Variants in RTN1 observed in about 807,000 individuals in gnomAD.
The protein encoded by RTN1 is reticulon 1.
In RTN1, 25 loss-of-function variants were observed where a neutral mutation model predicts 65.5. The ratio of observed to expected loss-of-function variants is 0.38; its 90% CI spans 0.28 to 0.53. The LOEUF is 0.53. Ranked by LOEUF, RTN1 falls within the 20% of genes least tolerant of loss-of-function variation. The pLI, the probability that RTN1 is intolerant of heterozygous loss-of-function variation, is 0.79. For synonymous variants in RTN1, 471 were observed against 447.6 expected (o/e 1.05, Z -0.66); for missense variants, 983 against 1,025.4 (o/e 0.96, Z 0.57).
chr14:59,618,173 G>C (rs1882157514), intron 3 of RTN1, among the ~76,000 whole-genome samples: 1 of 152,304 alleles, frequency 6.6e-6, no homozygotes, highest in South Asian at 2.1e-4. Context: ...TCCCAAAGCA[G>C]ACCTCCTTCT....
At chr14:59,717,430 G>A (rs1411087495) in intron 3 of RTN1, among the ~76,000 whole-genome samples, 1 of 152,116 alleles carries the variant, frequency 6.6e-6, no homozygotes, top group East Asian at 1.9e-4. Context: ...GATTGTGAGT[G>A]GAAGACTACA....
chr14:59,764,511 G>A (rs952252670), intron 1 of RTN1, among the ~76,000 whole-genome samples: 6 of 151,878 alleles, frequency 4.0e-5, no homozygotes, highest in East Asian at 1.9e-4. Context: ...TAGTAGAGAC[G>A]GGGTTTCACT....
intron 2 of RTN1, among the ~76,000 whole-genome samples, chr14:59,738,229 G>A (rs1319763498): frequency 1.3e-5 from 2 of 151,896 alleles, no homozygotes; most frequent in Non-Finnish European, 2.9e-5. Context: ...GAACAGAATG[G>A]GAGAAAATAT....
chr14:59,819,632 G>A (rs907583698), intron 1 of RTN1, among the ~76,000 whole-genome samples: 20 of 152,038 alleles, frequency 1.3e-4, no homozygotes, highest in African/African-American at 4.1e-4. Context: ...CGATGGGACC[G>A]GGCGCTGCGG....
At chr14:59,821,881 T>A (rs977357706) in intron 1 of RTN1, among the ~76,000 whole-genome samples, 5 of 152,204 alleles carry the variant, frequency 3.3e-5, no homozygotes, top group Non-Finnish European at 7.4e-5. Flanking sequence ...TCATAGTGGA[T>A]TAGCTTTTTG....
At chr14:59,749,627 ATATATAGATATCTATATATATT>A (rs1364378158) in intron 1 of RTN1, among the ~76,000 whole-genome samples, 5 of 43,718 alleles carry the variant, frequency 1.1e-4, no homozygotes, top group East Asian at 6.0e-4. Flanking sequence ...ATAGATATCT[ATATATAGATATCTATATATATT>A]TATATAGATA....
chr14:59,733,089 T>TTTTC (rs1555357874), intron 2 of RTN1, among the ~76,000 whole-genome samples: 1 of 150,680 alleles, frequency 6.6e-6, no homozygotes, highest in Non-Finnish European at 1.5e-5. Flanking sequence ...CTTTTTTTTT[T>TTTTC]TTTCTTTCTT....
rs868490300 is a variant in RTN1 at position 59,859,814 on chromosome 14, G to C, written c.241+10576C>G. Among the ~76,000 whole-genome samples, 8 of 152,322 alleles carry C rather than the reference G, an allele frequency of 5.3e-5. No homozygotes were observed. In the Middle Eastern group the frequency reaches 0.024, roughly 453 times the overall value. ...GTAACTCTTGTTATGCTTTAGCAAA[G>C]AGACGGCAACATTTTGCCCTTGCCC... On this transcript the variant is annotated intron_variant, in intron 1 of 8. Transcript: ENST00000267484.
chr14:59,635,007 A>G (rs142771788), intron 3 of RTN1, among the ~76,000 whole-genome samples: 18 of 152,366 alleles, frequency 1.2e-4, no homozygotes, highest in African/African-American at 3.6e-4. Context: ...GGGAACTTGA[A>G]TAATTTATCC....
rs560050715 is a variant in RTN1 at position 59,865,933 on chromosome 14, T to C, written c.241+4457A>G. On this transcript the variant is annotated intron_variant, in intron 1 of 8. Coordinates refer to ENST00000267484, the MANE Select transcript of RTN1 (RefSeq NM_021136.3). Reference sequence around the variant, plus strand: ...TGATAGAAATAAAGGGAGAGAAAGATTTTGTTTTTCACAGCTAGACAAAAA... The same window carrying C: ...TGATAGAAATAAAGGGAGAGAAAGACTTTGTTTTTCACAGCTAGACAAAAA... Among the ~76,000 whole-genome samples, 5 of 152,292 alleles carry C rather than the reference T, an allele frequency of 3.3e-5. No individual in the cohort carries two copies. The South Asian group carries it at 8.3e-4, about 25-fold the overall frequency.
intron 3 of RTN1, among the ~76,000 whole-genome samples, chr14:59,709,808 T>C (rs1433596463): frequency 1.3e-5 from 2 of 152,194 alleles, no homozygotes; most frequent in African/African-American, 4.8e-5. Flanking sequence ...GGGATTTGTC[T>C]ATCTACTCTA....
chr14:59,744,988 T>A (rs55787031), intron 2 of RTN1, among the ~76,000 whole-genome samples: 43,384 of 152,138 alleles, frequency 0.29, 7,331 homozygotes, highest in Admixed American at 0.41. Context: ...TATTGAACGA[T>A]GAAGGCTCTG....
At chr14:59,830,145 C>A (rs535183323) in intron 1 of RTN1, among the ~76,000 whole-genome samples, 5 of 152,204 alleles carry the variant, frequency 3.3e-5, no homozygotes, top group Non-Finnish European at 7.3e-5. Context: ...CAGCACCCTG[C>A]TGTTACAATT....
At chr14:59,739,169 A>C (rs1885063900) in intron 2 of RTN1, among the ~76,000 whole-genome samples, 1 of 152,112 alleles carries the variant, frequency 6.6e-6, no homozygotes, top group African/African-American at 2.4e-5. Flanking sequence ...GAAAAAAAAA[A>C]AGTCAGTCTT....
intron 3 of RTN1, among the ~76,000 whole-genome samples, chr14:59,723,174 G>A (rs1010727493): frequency 6.6e-6 from 1 of 152,000 alleles, no homozygotes; most frequent in Non-Finnish European, 1.5e-5. Context: ...TATTATTAAC[G>A]TTTTAAGGAC....
intron 3 of RTN1, among the ~76,000 whole-genome samples, chr14:59,627,116 C>A (rs1203020707): frequency 6.6e-6 from 1 of 152,348 alleles, no homozygotes; most frequent in African/African-American, 2.4e-5. Flanking sequence ...CAGTTAACTT[C>A]TGAGCCTCAT....
chr14:59,831,464 G>A (rs1594759534), intron 1 of RTN1, among the ~76,000 whole-genome samples: 2 of 152,178 alleles, frequency 1.3e-5, no homozygotes, highest in African/African-American at 2.4e-5. Flanking sequence ...GGCTCAAGCT[G>A]GCCAACCTTC....
chr14:59,852,746 A>G (rs1330014149), intron 1 of RTN1, among the ~76,000 whole-genome samples: 1 of 152,200 alleles, frequency 6.6e-6, no homozygotes, highest in Non-Finnish European at 1.5e-5. Flanking sequence ...TGGAAAGAGT[A>G]TGGCTTAGTA....
intron 1 of RTN1, among the ~76,000 whole-genome samples, chr14:59,830,377 T>A (rs1277188326): frequency 6.6e-6 from 1 of 152,244 alleles, no homozygotes; most frequent in Non-Finnish European, 1.5e-5. Context: ...TCTGCAACAC[T>A]AGCATCCTTT....
Sources: gnomAD v4.1 joint callset for allele counts (sites outside exome capture counted in the v4.1 genomes callset) on GRCh38, gnomAD v4.1.1 for gene constraint, MANE v1.5 for transcripts, NCBI Gene and HGNC (gene_info 2026-07-23, HGNC 2026-07-21) for gene names.